The following RASSF4 variants were observed in gnomAD, a reference collection of about 807,000 sequenced individuals.
RASSF4 encodes the protein Ras association domain family member 4.
RASSF4 carries 38 observed loss-of-function variants against 41.1 expected under a neutral mutation model. The ratio of observed to expected loss-of-function variants is 0.92; its 90% CI spans 0.71 to 1.21. RASSF4 has a LOEUF of 1.21. Ranked by LOEUF, RASSF4 falls within the 50% of genes most tolerant of loss-of-function variation. The pLI is 0.00. For synonymous variants in RASSF4, 179 were observed against 163.4 expected (o/e 1.10, Z -0.73); for missense variants, 414 against 419.4 (o/e 0.99, Z 0.11).
chr10:44,973,727 A>G (rs1244846652), intron 3 of RASSF4, among the ~76,000 whole-genome samples: 1 of 152,178 alleles, frequency 6.6e-6, no homozygotes, highest in Non-Finnish European at 1.5e-5. Flanking sequence ...CTGTAGGAAC[A>G]GTTGTCGGGG....
chr10:44,970,359 G>A, intron 2 of RASSF4, 95 bp downstream of exon 2: 1 of 1,022,416 alleles, frequency 9.8e-7, no homozygotes, highest in Non-Finnish European at 1.5e-6. Flanking sequence ...CTGAGCACTT[G>A]TTCAGAGATC....
intron 3 of RASSF4, among the ~76,000 whole-genome samples, chr10:44,973,609 C>G (rs924883767): frequency 9.2e-5 from 14 of 152,242 alleles, no homozygotes; most frequent in Non-Finnish European, 1.9e-4. Context: ...TTAGTCTTCC[C>G]GTCCAAGTTT....
At chr10:44,976,974 C>T (rs1234528574) in intron 3 of RASSF4, 5 of 158,658 alleles carry the variant, frequency 3.2e-5, no homozygotes, top group Non-Finnish European at 6.9e-5. Context: ...ACCTGGGGGG[C>T]TGACACCCCC....
rs1459814323 is a variant in RASSF4, at chr10:44,966,585, CAAG to C, written c.-38-3575_-38-3573del. Reference sequence around the variant, plus strand: ...TTCTTTAACCAAGGGGTGCAATATCCAAGAAGATTCCTGGAAAAAGGTGGAACT... The same window carrying C: ...TTCTTTAACCAAGGGGTGCAATATCCAAGATTCCTGGAAAAAGGTGGAACT... On this transcript the variant is annotated intron_variant, in intron 1 of 10. Transcript: ENST00000340258. 2.0e-5 allele frequency among the ~76,000 whole-genome samples: 3 copies of C among 152,292 alleles called. No homozygotes were observed. The East Asian group carries it at 5.8e-4, about 29-fold the overall frequency.
intron 1 of RASSF4, among the ~76,000 whole-genome samples, chr10:44,968,319 G>A (rs1486687471): frequency 3.3e-5 from 5 of 152,144 alleles, no homozygotes; most frequent in Non-Finnish European, 5.9e-5. Context: ...CGGAGGTGCC[G>A]AGGAACTGAA....
chr10:44,984,626 G>A (rs2132795721), intron 5 of RASSF4, 187 bp from the exon 6 acceptor site: 2 of 669,408 alleles, frequency 3.0e-6, no homozygotes, highest in Admixed American at 2.7e-5. Flanking sequence ...AGGTTACCCT[G>A]TCTGGGTCTC....
At chr10:44,961,724 AT>A (rs547919339) in intron 1 of RASSF4, among the ~76,000 whole-genome samples, 35 of 152,338 alleles carry the variant, frequency 2.3e-4, no homozygotes, top group South Asian at 6.2e-4. Flanking sequence ...TAGTTATTTA[AT>A]TGATGAGGAG....
At position 44,977,194 on chromosome 10, in the gene RASSF4, T is replaced by G. The variant is rs145831650; in HGVS notation, c.139-5327T>G. On this transcript the variant is annotated intron_variant, in intron 3 of 10. Transcript: ENST00000340258. Reference sequence around the variant, plus strand: ...CAGCAAGGGTCAGAGCGAACGGGATTGGTAACATCTCCTCATGTGAAACAG... The same window carrying G: ...CAGCAAGGGTCAGAGCGAACGGGATGGGTAACATCTCCTCATGTGAAACAG... 9.0e-4 allele frequency: 563 copies of G among 626,522 alleles called. 1 individual carries two copies. Among genetic ancestry groups the G allele is most frequent in the African/African-American group, 5.9e-3 (322 of 54,992 alleles). The allele number at this position is 626,522 out of a possible 1,614,324, so 38.8% of individuals were successfully genotyped here. A position where few individuals can be genotyped will look rare whatever the true frequency, so the allele number is the denominator to read the frequency against.
intron 3 of RASSF4, chr10:44,977,685 G>A (rs1377464934): frequency 3.7e-6 from 6 of 1,612,874 alleles, no homozygotes; most frequent in South Asian, 2.2e-5. Context: ...TGGCTTGGCT[G>A]CTTTTCCTGG....
chr10:44,974,745 G>A lies in RASSF4; in HGVS notation c.138+2897G>A, dbSNP rs189975075. On this transcript the variant is annotated intron_variant, in intron 3 of 10. Transcript: ENST00000340258. ...GAAGGTGGGCAGGGCCACGCTCTGGGGCCAGCGTCACGCCCTGGGACCAGC... is the reference window on the plus strand; with the variant it reads ...GAAGGTGGGCAGGGCCACGCTCTGGAGCCAGCGTCACGCCCTGGGACCAGC... 3.7e-3 allele frequency among the ~76,000 whole-genome samples: 564 copies of A among 152,308 alleles called. 1 individual carries two copies. Among genetic ancestry groups the A allele is most frequent in the African/African-American group, 0.013 (538 of 41,586 alleles).
Position 44,993,870 on chromosome 10 carries a change from C to T in RASSF4, c.*541C>T, listed in dbSNP as rs1480239880. On this transcript the variant is annotated 3_prime_UTR_variant, in exon 11 of 11. Transcript: ENST00000340258. ...GCCTCCAATATCACCCTGTGAGCCTCGCACAGCTCAGCCCCAACACAGAGG... is the reference window on the plus strand; with the variant it reads ...GCCTCCAATATCACCCTGTGAGCCTTGCACAGCTCAGCCCCAACACAGAGG... 1 of 155,046 alleles carries T rather than the reference C, an allele frequency of 6.4e-6. No homozygotes were observed. Among genetic ancestry groups the T allele is most frequent in the Non-Finnish European group, 1.4e-5 (1 of 69,566 alleles). The allele number at this position is 155,046 out of a possible 1,614,324, so 9.6% of individuals were successfully genotyped here.
intron 3 of RASSF4, among the ~76,000 whole-genome samples, chr10:44,972,117 C>T (rs1841197615): frequency 6.6e-6 from 1 of 152,110 alleles, no homozygotes; most frequent in Admixed American, 6.5e-5. Context: ...GGGTCTTCCC[C>T]CTTTCCCCTT....
chr10:44,986,836 C>A (rs1159922681), intron 6 of RASSF4, among the ~76,000 whole-genome samples: 1 of 152,226 alleles, frequency 6.6e-6, no homozygotes, highest in Non-Finnish European at 1.5e-5. Flanking sequence ...CAGTCATTTT[C>A]CAAAACTGTT....
intron 6 of RASSF4, among the ~76,000 whole-genome samples, chr10:44,986,242 G>T (rs950566329): frequency 6.6e-6 from 1 of 152,218 alleles, no homozygotes; most frequent in Non-Finnish European, 1.5e-5. Context: ...GTGGAGTTTA[G>T]CATTGGTACA....
intron 8 of RASSF4, among the ~76,000 whole-genome samples, 160 bp downstream of exon 8, chr10:44,989,881 T>A (rs2132804542): frequency 6.6e-6 from 1 of 152,260 alleles, no homozygotes. Flanking sequence ...CATGAACATT[T>A]CTCCCCCACC....
At chr10:44,978,346 C>A in intron 3 of RASSF4, 1 of 304,302 alleles carries the variant, frequency 3.3e-6, no homozygotes, top group South Asian at 5.3e-5. Context: ...CAGGATCGGC[C>A]ACGCACTGAC....
chr10:44,988,958 A>G (rs754368679), intron 6 of RASSF4, among the ~76,000 whole-genome samples: 10 of 152,218 alleles, frequency 6.6e-5, no homozygotes, highest in Non-Finnish European at 1.2e-4. Flanking sequence ...GACTTAATCA[A>G]TAGAAAGAGT....
chr10:44,961,470 C>T (rs1840708187), intron 1 of RASSF4, among the ~76,000 whole-genome samples: 1 of 152,198 alleles, frequency 6.6e-6, no homozygotes, highest in South Asian at 2.1e-4. Context: ...AAGCCCTCTG[C>T]CCTGGGCCCC....
chr10:44,968,668 A>G (rs1322122503), intron 1 of RASSF4, among the ~76,000 whole-genome samples: 31 of 152,132 alleles, frequency 2.0e-4, no homozygotes, highest in Non-Finnish European at 1.5e-5. Context: ...GTGCCTGAGG[A>G]GCTGGGCATT....
Sources: allele counts gnomAD v4.1 joint callset (sites outside exome capture counted in the v4.1 genomes callset), GRCh38; gene constraint gnomAD v4.1.1; transcripts MANE v1.5; gene names NCBI Gene and HGNC (gene_info 2026-07-23, HGNC 2026-07-21).